The following CAST variants were observed in gnomAD, a reference collection of about 807,000 sequenced individuals.
CAST encodes the protein calpastatin, also known as MIR583 host.
A neutral mutation model predicts 119.6 loss-of-function variants in CAST; 76 were observed. That is an observed-to-expected ratio of 0.64 (90% confidence interval 0.53 to 0.77). The LOEUF is 0.77. Among genes scored for constraint, CAST ranks in the 30% least tolerant of loss-of-function variants. CAST has a pLI of 0.00. For missense variants in CAST, 953 were observed against 946.5 expected (o/e 1.01, Z -0.09); for synonymous variants, 319 against 331.6 (o/e 0.96, Z 0.41).
At chr5:96,069,796 C>T in the CAST span, among the ~76,000 whole-genome samples, 1 of 151,726 alleles carries the variant, frequency 6.6e-6, no homozygotes, top group Non-Finnish European at 1.5e-5. Context: ...CCACCACACC[C>T]AGCCTATCTA....
intron 2 of CAST, among the ~76,000 whole-genome samples, chr5:96,694,634 A>AAAAC (rs539170383): frequency 1.6e-4 from 25 of 152,158 alleles, no homozygotes; most frequent in Non-Finnish European, 2.9e-4. Context: ...CCATCTCAAA[A>AAAAC]AAACAAACAA....
intron 1 of CAST, among the ~76,000 whole-genome samples, chr5:96,569,543 C>T (rs558302685): frequency 6.6e-6 from 1 of 152,336 alleles, no homozygotes; most frequent in South Asian, 2.1e-4. Flanking sequence ...ACATACCAGA[C>T]TGTGCAGGCT....
At chr5:96,183,302 A>G in the CAST span, among the ~76,000 whole-genome samples, 45 of 151,550 alleles carry the variant, frequency 3.0e-4, no homozygotes, top group African/African-American at 1.1e-3. Flanking sequence ...ATTGGTATGT[A>G]ATTTGCTATT....
the CAST span, among the ~76,000 whole-genome samples, chr5:96,361,771 G>A: frequency 1.8e-4 from 23 of 130,868 alleles, no homozygotes; most frequent in South Asian, 5.2e-3. Context: ...GGAGCGATTT[G>A]TCTTCAGTCA....
intron 3 of CAST, among the ~76,000 whole-genome samples, chr5:96,704,100 C>G (rs1754458992): frequency 6.6e-6 from 1 of 152,134 alleles, no homozygotes; most frequent in African/African-American, 2.4e-5. Context: ...AGGAATAAGC[C>G]ACCTATAGCA....
At chr5:96,164,991 G>C in the CAST span, among the ~76,000 whole-genome samples, 1 of 151,970 alleles carries the variant, frequency 6.6e-6, no homozygotes, top group Admixed American at 6.6e-5. Flanking sequence ...GGAAGAGATG[G>C]TTATATACAT....
At chr5:95,987,918 A>G in the CAST span, among the ~76,000 whole-genome samples, 4 of 152,242 alleles carry the variant, frequency 2.6e-5, no homozygotes, top group African/African-American at 9.6e-5. Context: ...ACCATATTGG[A>G]CAGCAGAGAT....
intron 12 of CAST, 47 bp from the exon 13 acceptor site, chr5:96,740,698 G>T (rs1762485106): frequency 7.0e-7 from 1 of 1,420,108 alleles, no homozygotes; most frequent in Non-Finnish European, 1.0e-6. Flanking sequence ...CCGATCTTAA[G>T]GATTAATTCT....
intron 1 of CAST, among the ~76,000 whole-genome samples, chr5:96,556,177 C>G (rs1156442523): frequency 6.6e-6 from 1 of 152,174 alleles, no homozygotes; most frequent in Non-Finnish European, 1.5e-5. Context: ...AACTAACAAA[C>G]AGAAAGGACA....
the CAST span, among the ~76,000 whole-genome samples, chr5:96,426,717 C>T: frequency 2.0e-5 from 3 of 152,110 alleles, no homozygotes; most frequent in African/African-American, 7.2e-5. Context: ...CTATTTCCTA[C>T]CCCAAACACA....
chr5:96,420,787 A>G, the CAST span, among the ~76,000 whole-genome samples: 7 of 143,332 alleles, frequency 4.9e-5, no homozygotes, highest in Non-Finnish European at 9.2e-5. Flanking sequence ...GAGAGAGAGA[A>G]AGAGAGAGAG....
the CAST span, among the ~76,000 whole-genome samples, chr5:96,188,786 A>G: frequency 1.3e-5 from 2 of 152,192 alleles, no homozygotes; most frequent in East Asian, 1.9e-4. Flanking sequence ...GTGGAGTTGA[A>G]GAAGGTGCTA....
chr5:96,096,519 T>G, the CAST span, among the ~76,000 whole-genome samples: 1 of 152,202 alleles, frequency 6.6e-6, no homozygotes, highest in Non-Finnish European at 1.5e-5. Context: ...TAACCATTCC[T>G]GCTGAACAAC....
the CAST span, among the ~76,000 whole-genome samples, chr5:96,414,000 G>C: frequency 6.8e-6 from 1 of 147,614 alleles, no homozygotes; most frequent in Non-Finnish European, 1.5e-5. Flanking sequence ...TTAGCCGGGC[G>C]TAGTGGCGGG....
At chr5:96,170,034 G>A in the CAST span, among the ~76,000 whole-genome samples, 33,311 of 151,998 alleles carry the variant, frequency 0.22, 6,586 homozygotes, top group African/African-American at 0.53. Context: ...ATGTGGAGTG[G>A]GTAGCCTCTG....
At chr5:96,310,872 GCCC>G in the CAST span, among the ~76,000 whole-genome samples, 1 of 145,280 alleles carries the variant, frequency 6.9e-6, no homozygotes, top group East Asian at 2.0e-4. Context: ...AAAAAAAAAA[GCCC>G]CAACTTCTAT....
chr5:95,971,987 C>T, the CAST span, among the ~76,000 whole-genome samples: 1 of 145,182 alleles, frequency 6.9e-6, no homozygotes, highest in African/African-American at 2.6e-5. Flanking sequence ...GAAACAGGGT[C>T]CCCCTGCTGT....
chr5:96,456,782 C>A, the CAST span, among the ~76,000 whole-genome samples: 1 of 152,116 alleles, frequency 6.6e-6, no homozygotes, highest in African/African-American at 2.4e-5. Flanking sequence ...TTCCCATAAT[C>A]CCCACTTGTT....
At chr5:96,647,439 C>T (rs1748028531) in intron 1 of CAST, among the ~76,000 whole-genome samples, 1 of 152,092 alleles carries the variant, frequency 6.6e-6, no homozygotes. Context: ...GATTATACCA[C>T]CTTGTGCTGT....
Sources: gnomAD v4.1 joint callset for allele counts (sites outside exome capture counted in the v4.1 genomes callset) on GRCh38, gnomAD v4.1.1 for gene constraint, MANE v1.5 for transcripts, NCBI Gene and HGNC (gene_info 2026-07-23, HGNC 2026-07-21) for gene names.